SMC2: variants seen among roughly 807,000 people sequenced by gnomAD.
SMC2 encodes the protein structural maintenance of chromosomes 2.
A neutral mutation model predicts 142.6 loss-of-function variants in SMC2; 41 were observed. That is an observed-to-expected ratio of 0.29 (90% CI 0.22 to 0.37). The LOEUF (loss-of-function observed/expected upper bound fraction) is 0.37. SMC2 is among the 10% of genes least tolerant of loss of function. The pLI is 1.00. For synonymous variants in SMC2, 463 were observed against 457.5 expected, an observed-to-expected ratio of 1.01 and a Z score of -0.15; for missense variants, 1,265 against 1,373.7, an observed-to-expected ratio of 0.92 and a Z score of 1.25.
chr9:104,120,254 CTT>C, intron 16 of SMC2, 92 bp downstream of exon 16: 1 of 1,179,114 alleles, frequency 8.5e-7, no homozygotes, highest in Non-Finnish European at 1.2e-6. Context: ...CAGCTTCTGA[CTT>C]TTCTCATATT....
chr9:104,130,292 A>G (rs909292692), intron 21 of SMC2, among the ~76,000 whole-genome samples: 4 of 152,138 alleles, frequency 2.6e-5, no homozygotes, highest in African/African-American at 9.7e-5. Flanking sequence ...TTACTCAATA[A>G]TGTTATTCTT....
intron 9 of SMC2, among the ~76,000 whole-genome samples, chr9:104,111,227 C>A (rs1422999367): frequency 6.6e-6 from 1 of 152,056 alleles, no homozygotes; most frequent in East Asian, 1.9e-4. Context: ...ATTCTAAAAT[C>A]TCTACTTTTA....
In SMC2 at chr9:104,118,407, C is replaced by G. The variant is rs202014345; in HGVS notation, c.1996+32C>G. On this transcript the variant is annotated intron_variant, in intron 15 of 24. Transcript: ENST00000374793. The stretch of plus-strand genomic sequence containing the variant: ...TTTATATCCTTTTCTCCTCACAATT[C>G]TTTGTGGTAAATAGGAAGATGCCTT... 6.4e-6 allele frequency: 10 copies of G among 1,554,062 alleles called. No individual in the cohort carries two copies. The African/African-American group carries it at 1.4e-4, about 21-fold the overall frequency.
chr9:104,089,202 T>G, the SMC2 span, among the ~76,000 whole-genome samples: 1,828 of 152,244 alleles, frequency 0.012, 49 homozygotes, highest in African/African-American at 0.042. Context: ...GGGCAGAGTC[T>G]TGTTGAAGTA....
intron 11 of SMC2, 114 bp downstream of exon 11, chr9:104,113,589 A>G: frequency 1.3e-6 from 1 of 794,116 alleles, no homozygotes; most frequent in Non-Finnish European, 1.9e-6. Flanking sequence ...CCTATTAACA[A>G]GCATTAGTAT....
At chr9:104,088,716 T>G in the SMC2 span, among the ~76,000 whole-genome samples, 1 of 152,214 alleles carries the variant, frequency 6.6e-6, no homozygotes, top group Non-Finnish European at 1.5e-5. Flanking sequence ...CCATTGACTG[T>G]GCAATCTACT....
chr9:104,124,735 A>C (rs1439931759), intron 17 of SMC2, among the ~76,000 whole-genome samples, 177 bp from the exon 18 acceptor site: 1 of 152,138 alleles, frequency 6.6e-6, no homozygotes. Context: ...AGATAATTCA[A>C]GTATGGCTTT....
chr9:104,094,586 A>C (rs896658046), intron 1 of SMC2, 109 bp downstream of exon 1: 7 of 374,398 alleles, frequency 1.9e-5, no homozygotes, highest in Non-Finnish European at 3.3e-5. Context: ...GAGGGGGACC[A>C]GTGGCAGAGG....
At chr9:104,132,492 A>T (rs545445164) in intron 22 of SMC2, among the ~76,000 whole-genome samples, 8 of 152,066 alleles carry the variant, frequency 5.3e-5, no homozygotes, top group Admixed American at 3.3e-4. Flanking sequence ...CTCCTATAGG[A>T]TAATTCCTTA....
chr9:104,136,125 T>G, intron 23 of SMC2: 1 of 309,658 alleles, frequency 3.2e-6, no homozygotes, highest in Non-Finnish European at 6.4e-6. Context: ...AAGAAGGTTG[T>G]CAACATTCAC....
intron 14 of SMC2, among the ~76,000 whole-genome samples, chr9:104,117,470 C>G (rs951594319): frequency 6.6e-6 from 1 of 152,178 alleles, no homozygotes; most frequent in East Asian, 1.9e-4. Flanking sequence ...TGAGAAGAAG[C>G]ATTGTGATCA....
chr9:104,107,700 C>T (rs915378411), intron 9 of SMC2, among the ~76,000 whole-genome samples: 2 of 152,226 alleles, frequency 1.3e-5, no homozygotes, highest in Admixed American at 6.5e-5. Context: ...GGGATACTTC[C>T]TTGGCTTTCT....
At chr9:104,108,043 T>C (rs1054445116) in intron 9 of SMC2, among the ~76,000 whole-genome samples, 1 of 152,088 alleles carries the variant, frequency 6.6e-6, no homozygotes, top group Non-Finnish European at 1.5e-5. Context: ...AACCAAACTA[T>C]CAATATCCGT....
In SMC2 at chr9:104,139,125, CT is replaced by C. The variant is rs765408778; in HGVS notation, c.3418-8del. ...ACAAAAAGTTTTTTTATACTTTTTT[CT>C]TTTTTCCTTAAGTTCATTGTGGTGT... is the stretch of plus-strand genomic sequence containing the variant. On this transcript the variant is annotated splice_polypyrimidine_tract_variant and intron_variant, in intron 24 of 24. Coordinates refer to ENST00000374793, the MANE Select transcript of SMC2 (RefSeq NM_006444.3). 5 of 1,531,182 alleles carry C rather than the reference CT, an allele frequency of 3.3e-6. No individual in the cohort carries two copies. The Admixed American group carries it at 1.3e-4, about 38-fold the overall frequency. The allele number at this position is 1,531,182 out of a possible 1,614,324, so 94.8% of individuals were successfully genotyped here.
chr9:104,122,989 C>T (rs1337706985), intron 16 of SMC2, 119 bp from the exon 17 acceptor site: 2 of 966,214 alleles, frequency 2.1e-6, no homozygotes, highest in Non-Finnish European at 2.9e-6. Flanking sequence ...TAACCAGTAG[C>T]ATCTTATATT....
In SMC2 at chr9:104,102,462, T is replaced by C. The variant is rs543340201; in HGVS notation, c.909T>C (p.Leu303=). ...TACTTCGATCTTTAGAAGATGCTCT[T>C]GCAGAGGCTCAGCGAGTTAATACTA... ...GGILRSLEDA[L]AEAQRVNTKS... The change falls in exon 9 of 25, where the codon CTT becomes CTC. Residue 303 remains leucine (L), a synonymous_variant. Transcript: ENST00000374793. 1 of 1,612,630 alleles carries C rather than the reference T, an allele frequency of 6.2e-7. No individual in the cohort carries two copies. The highest frequency in any genetic ancestry group is 2.2e-5 in the East Asian group (1 of 44,802).
At chr9:104,116,351 AATCGTC>A (rs754754750) in intron 14 of SMC2, 32 bp downstream of exon 14, 2 of 1,565,400 alleles carry the variant, frequency 1.3e-6, no homozygotes, top group African/African-American at 2.8e-5. Flanking sequence ...TTATATGTTT[AATCGTC>A]ATCTGTGGTT....
intron 2 of SMC2, 66 bp from the exon 3 acceptor site, chr9:104,096,082 A>G (rs370293530): frequency 2.7e-6 from 4 of 1,498,454 alleles, no homozygotes; most frequent in Admixed American, 1.8e-5. Flanking sequence ...CAAGGGACCC[A>G]TTTTTAGTGC....
intron 23 of SMC2, among the ~76,000 whole-genome samples, chr9:104,137,490 A>G (rs1400191686): frequency 2.0e-5 from 3 of 152,144 alleles, no homozygotes; most frequent in Non-Finnish European, 2.9e-5. Context: ...AGTAATGGCC[A>G]TAGTCTATAC....
Sources: allele counts gnomAD v4.1 joint callset (sites outside exome capture counted in the v4.1 genomes callset), GRCh38; gene constraint gnomAD v4.1.1; transcripts MANE v1.5; gene names NCBI Gene and HGNC (gene_info 2026-07-23, HGNC 2026-07-21).